Variants in ROBO1 observed in about 807,000 individuals in gnomAD.
ROBO1 encodes the protein roundabout guidance receptor 1, also known as roundabout homolog 1.
Under a neutral mutation model 195.9 loss-of-function variants are expected in ROBO1, and 149 were observed. The observed-to-expected ratio is 0.76, with a 90% CI of 0.67 to 0.87. The LOEUF (loss-of-function observed/expected upper bound fraction) is 0.87. Among genes scored for constraint, ROBO1 ranks in the 40% least tolerant of loss-of-function variants. The pLI is 0.00. For missense variants in ROBO1, 1,933 were observed against 2,068.3 expected (o/e 0.93, Z 1.27); for synonymous variants, 816 against 733.2 (o/e 1.11, Z -1.82).
At chr3:79,153,527 C>T (rs2080808312) in intron 2 of ROBO1, among the ~76,000 whole-genome samples, 1 of 151,498 alleles carries the variant, frequency 6.6e-6, no homozygotes, top group Non-Finnish European at 1.5e-5. Context: ...ATCCAGAGCT[C>T]ACATTTTTAT....
At chr3:79,764,284 G>A (rs927029675) in intron 1 of ROBO1, among the ~76,000 whole-genome samples, 2 of 152,104 alleles carry the variant, frequency 1.3e-5, no homozygotes, top group South Asian at 4.1e-4. Context: ...TATATTTTAG[G>A]TACAAATATG....
chr3:79,119,588 G>A (rs1465829116), intron 3 of ROBO1, among the ~76,000 whole-genome samples: 1 of 152,062 alleles, frequency 6.6e-6, no homozygotes, highest in Non-Finnish European at 1.5e-5. Flanking sequence ...TGATTAAATT[G>A]ATGTGAGTTG....
In ROBO1 at chr3:79,487,441, T is replaced by C. The variant is rs539084489; in HGVS notation, c.88+102383A>G. Among the ~76,000 whole-genome samples, 5 of 152,282 alleles carry C rather than the reference T, an allele frequency of 3.3e-5. No individual in the cohort carries two copies. In the East Asian group the frequency reaches 7.7e-4, roughly 24 times the overall value. Reference sequence around the variant, plus strand: ...CATGTTGGTCAGGCTGGTCTTCAACTCCTGACCTCATGATTCACCTGCCTT... The same window carrying C: ...CATGTTGGTCAGGCTGGTCTTCAACCCCTGACCTCATGATTCACCTGCCTT... On this transcript the variant is annotated intron_variant, in intron 2 of 30. Transcript: ENST00000464233.
intron 2 of ROBO1, among the ~76,000 whole-genome samples, chr3:79,187,660 A>G (rs1204972829): frequency 1.3e-5 from 2 of 151,986 alleles, no homozygotes; most frequent in East Asian, 1.9e-4. Context: ...TCACTCTGCC[A>G]GAATTTCTGG....
intron 2 of ROBO1, among the ~76,000 whole-genome samples, chr3:79,571,719 T>C (rs1224387055): frequency 6.6e-6 from 1 of 152,126 alleles, no homozygotes; most frequent in Non-Finnish European, 1.5e-5. Context: ...TAGACAACTA[T>C]CTACTTTAAA....
chr3:79,277,978 G>T (rs950914060), intron 2 of ROBO1, among the ~76,000 whole-genome samples: 1 of 151,766 alleles, frequency 6.6e-6, no homozygotes, highest in African/African-American at 2.4e-5. Flanking sequence ...AAAGATGCAG[G>T]ATATAAAATT....
At chr3:78,826,937 A>G (rs2031666498) in intron 4 of ROBO1, among the ~76,000 whole-genome samples, 1 of 152,194 alleles carries the variant, frequency 6.6e-6, no homozygotes. Context: ...CTGGACAACA[A>G]TGTTTCTATA....
chr3:79,352,770 G>A (rs2035392549), intron 2 of ROBO1, among the ~76,000 whole-genome samples: 1 of 152,078 alleles, frequency 6.6e-6, no homozygotes, highest in South Asian at 2.1e-4. Context: ...ATATTATATA[G>A]ATAGAATATA....
At chr3:78,971,611 C>T (rs2076767899) in intron 3 of ROBO1, among the ~76,000 whole-genome samples, 1 of 152,180 alleles carries the variant, frequency 6.6e-6, no homozygotes, top group Admixed American at 6.5e-5. Context: ...CCCAGGAACC[C>T]TGATATACCT....
chr3:79,091,704 C>T (rs571460456), intron 3 of ROBO1, among the ~76,000 whole-genome samples: 5 of 151,400 alleles, frequency 3.3e-5, no homozygotes, highest in African/African-American at 2.4e-5. Flanking sequence ...CGCGACATTT[C>T]GGCTAAGACC....
At chr3:78,772,913 T>C (rs908260760) in intron 4 of ROBO1, among the ~76,000 whole-genome samples, 4 of 152,110 alleles carry the variant, frequency 2.6e-5, no homozygotes, top group African/African-American at 9.7e-5. Flanking sequence ...GTTTGTCTGA[T>C]GTCAAAATCC....
intron 1 of ROBO1, among the ~76,000 whole-genome samples, chr3:79,638,230 C>T (rs1945552894): frequency 6.6e-6 from 1 of 152,074 alleles, no homozygotes; most frequent in South Asian, 2.1e-4. Context: ...TGCAAAATAT[C>T]CAGTATCATA....
chr3:78,957,754 C>G (rs1410298560), intron 3 of ROBO1, among the ~76,000 whole-genome samples: 2 of 152,122 alleles, frequency 1.3e-5, no homozygotes, highest in African/African-American at 4.8e-5. Context: ...GCAAATAGAC[C>G]TAATTGTCTT....
In ROBO1 at chr3:79,259,956, C is replaced by T. The variant is rs143873903; in HGVS notation, c.89-134417G>A. Among the ~76,000 whole-genome samples, 391 of 151,924 alleles carry T rather than the reference C, an allele frequency of 2.6e-3. 5 individuals carry two copies. The highest frequency in any genetic ancestry group is 8.1e-3 in the African/African-American group (335 of 41,468). On this transcript the variant is annotated intron_variant, in intron 2 of 30. Coordinates refer to ENST00000464233, the MANE Select transcript of ROBO1 (RefSeq NM_002941.4). ...GTATTTTGTTTCAGGCCTCTGAGAC[C>T]GGAGGCAAATGTAGCTTTCCCTCCC...
At chr3:79,480,324 A>G (rs1156453449) in intron 2 of ROBO1, among the ~76,000 whole-genome samples, 1 of 152,188 alleles carries the variant, frequency 6.6e-6, no homozygotes, top group East Asian at 1.9e-4. Context: ...GTTAGAATAT[A>G]TTATTCAAAT....
chr3:79,025,415 T>C (rs1313172861), intron 3 of ROBO1, among the ~76,000 whole-genome samples: 1 of 152,136 alleles, frequency 6.6e-6, no homozygotes, highest in Admixed American at 6.5e-5. Context: ...AACCCTCCTT[T>C]TAGAATGAGG....
At chr3:79,496,239 C>T (rs1413747528) in intron 2 of ROBO1, among the ~76,000 whole-genome samples, 3 of 146,148 alleles carry the variant, frequency 2.1e-5, no homozygotes, top group Non-Finnish European at 3.0e-5. Flanking sequence ...AAAAAAGACT[C>T]GTAAAGCACT....
intron 3 of ROBO1, among the ~76,000 whole-genome samples, chr3:79,052,177 T>A (rs953956485): frequency 3.9e-5 from 6 of 152,090 alleles, no homozygotes; most frequent in Non-Finnish European, 7.4e-5. Context: ...GTAATAGCCC[T>A]GGGAAAGGAA....
chr3:78,764,241 G>A (rs1004416962), intron 4 of ROBO1, among the ~76,000 whole-genome samples: 1 of 152,010 alleles, frequency 6.6e-6, no homozygotes, highest in African/African-American at 2.4e-5. Flanking sequence ...TAGTTAGAAG[G>A]AATTTAGAGA....
Sources: allele counts gnomAD v4.1 joint callset (sites outside exome capture counted in the v4.1 genomes callset), GRCh38; gene constraint gnomAD v4.1.1; transcripts MANE v1.5; gene names NCBI Gene and HGNC (gene_info 2026-07-23, HGNC 2026-07-21).